The following MAPKAP1 variants were observed in gnomAD, a reference collection of about 807,000 sequenced individuals.
MAPKAP1 encodes target of rapamycin complex 2 subunit MAPKAP1.
In MAPKAP1, 20 loss-of-function variants were observed where a neutral mutation model predicts 65.7. The observed-to-expected ratio is 0.30, with a 90% CI of 0.21 to 0.44. MAPKAP1 has a LOEUF of 0.44. Ranked by LOEUF, MAPKAP1 falls within the 20% of genes least tolerant of loss-of-function variation. The pLI is 1.00. For synonymous variants in MAPKAP1, 222 were observed against 244.3 expected (o/e 0.91, Z 0.85); for missense variants, 423 against 648.0 (o/e 0.65, Z 3.77).
At chr9:125,577,591 C>T (rs1476405653) in intron 5 of MAPKAP1, among the ~76,000 whole-genome samples, 2 of 120,658 alleles carry the variant, frequency 1.7e-5, no homozygotes, top group South Asian at 3.0e-4. Flanking sequence ...CCCTGCCAGC[C>T]GCCCCGTCCG....
At chr9:125,646,930 A>T (rs1833742386) in intron 4 of MAPKAP1, among the ~76,000 whole-genome samples, 1 of 152,204 alleles carries the variant, frequency 6.6e-6, no homozygotes, top group African/African-American at 2.4e-5. Context: ...GCTGCACCAC[A>T]ATTTGATTAC....
At chr9:125,605,649 C>T (rs1402710294) in intron 4 of MAPKAP1, among the ~76,000 whole-genome samples, 1 of 152,156 alleles carries the variant, frequency 6.6e-6, no homozygotes. Context: ...GGCATCCCAC[C>T]CTGCCACCCA....
intron 1 of MAPKAP1, among the ~76,000 whole-genome samples, chr9:125,693,498 CAT>C (rs1835240229): frequency 6.8e-6 from 1 of 147,002 alleles, no homozygotes; most frequent in South Asian, 2.1e-4. Context: ...TATATACACA[CAT>C]ATATACACAT....
intron 8 of MAPKAP1, among the ~76,000 whole-genome samples, chr9:125,505,563 CA>C (rs1322633953): frequency 1.3e-5 from 2 of 152,208 alleles, no homozygotes; most frequent in Non-Finnish European, 2.9e-5. Flanking sequence ...ACGAGGGACT[CA>C]AACGAGAGGT....
chr9:125,619,065 C>G (rs1442611506), intron 4 of MAPKAP1, among the ~76,000 whole-genome samples: 2 of 152,086 alleles, frequency 1.3e-5, no homozygotes, highest in African/African-American at 4.8e-5. Flanking sequence ...CCCAGAAGGT[C>G]AAGGCTATAG....
rs559953996 is a variant in MAPKAP1 at position 125,447,573 on chromosome 9, G to A, written c.1346-2975C>T. On this transcript the variant is annotated intron_variant, in intron 10 of 11. Transcript: ENST00000265960. This position sits in a 1 kb window ranked among gnomAD's most constrained non-coding sequence, Gnocchi z 4.5. ...CTCACTCCGCGGGCGTTTCTGCCCC[G>A]AGTTCCCCTCGCTAGCAGCCCTGTT... 5 of 440,234 alleles carry A rather than the reference G, an allele frequency of 1.1e-5. No individual in the cohort carries two copies. Among genetic ancestry groups the A allele is most frequent in the Admixed American group, 2.4e-5 (1 of 41,684 alleles). The allele number at this position is 440,234 out of a possible 1,614,324, so 27.3% of individuals were successfully genotyped here. A position where few individuals can be genotyped will look rare whatever the true frequency, so the allele number is the denominator to read the frequency against.
chr9:125,493,400 T>G (rs1283571451), intron 8 of MAPKAP1, among the ~76,000 whole-genome samples: 1 of 152,232 alleles, frequency 6.6e-6, no homozygotes, highest in Admixed American at 6.5e-5. Context: ...TTGAAGGTTC[T>G]TCTGGTAAGT....
intron 9 of MAPKAP1, among the ~76,000 whole-genome samples, chr9:125,472,136 C>T (rs912863644): frequency 6.6e-6 from 1 of 152,160 alleles, no homozygotes; most frequent in African/African-American, 2.4e-5. Flanking sequence ...CAGAATGTGT[C>T]CCCTCAGCCA....
intron 10 of MAPKAP1, among the ~76,000 whole-genome samples, chr9:125,460,092 AG>A (rs1853428138): frequency 6.6e-6 from 1 of 152,198 alleles, no homozygotes; most frequent in Non-Finnish European, 1.5e-5. Context: ...AGTAGGGAAC[AG>A]CCCCTGCCCT....
intron 7 of MAPKAP1, among the ~76,000 whole-genome samples, chr9:125,513,713 A>C (rs1424108689): frequency 2.0e-5 from 3 of 152,194 alleles, no homozygotes; most frequent in Non-Finnish European, 4.4e-5. Context: ...AACCACTGCA[A>C]TAAGGTTTAG....
At chr9:125,527,473 T>C (rs559872715) in intron 7 of MAPKAP1, among the ~76,000 whole-genome samples, 1 of 152,304 alleles carries the variant, frequency 6.6e-6, no homozygotes, top group Admixed American at 6.5e-5. Context: ...TTTGTTTAAG[T>C]TTTTTTGTGT....
intron 9 of MAPKAP1, among the ~76,000 whole-genome samples, chr9:125,473,093 T>TTTTTTG (rs1853979294): frequency 6.6e-6 from 1 of 152,022 alleles, no homozygotes; most frequent in Non-Finnish European, 1.5e-5. Flanking sequence ...TTTTTTTTTT[T>TTTTTTG]TTTAGCAGAA....
At chr9:125,484,933 A>T (rs1854447236) in intron 8 of MAPKAP1, among the ~76,000 whole-genome samples, 3 of 152,022 alleles carry the variant, frequency 2.0e-5, no homozygotes, top group Non-Finnish European at 4.4e-5. Context: ...TTTTTTTCTA[A>T]ATGTGATTTT....
chr9:125,534,636 C>T (rs984659503), intron 7 of MAPKAP1, among the ~76,000 whole-genome samples: 23 of 152,342 alleles, frequency 1.5e-4, no homozygotes, highest in African/African-American at 5.3e-4. Context: ...TTGTACAATG[C>T]AGATGAGTGT....
intron 5 of MAPKAP1, among the ~76,000 whole-genome samples, chr9:125,584,187 G>C (rs536560763): frequency 6.6e-6 from 1 of 152,288 alleles, no homozygotes; most frequent in African/African-American, 2.4e-5. Context: ...CACCCTTGAG[G>C]TGTGCCGCTG....
chr9:125,603,058 CT>C (rs1832346682), intron 4 of MAPKAP1, among the ~76,000 whole-genome samples: 1 of 14,130 alleles, frequency 7.1e-5, no homozygotes, highest in African/African-American at 8.0e-5. Flanking sequence ...ACACTTGCGT[CT>C]TTCTTTCTTT....
At chr9:125,702,101 A>G (rs1044489299) in intron 1 of MAPKAP1, among the ~76,000 whole-genome samples, 3 of 152,198 alleles carry the variant, frequency 2.0e-5, no homozygotes, top group Admixed American at 6.5e-5. Flanking sequence ...TTTTAAACTA[A>G]ATACATTAAA....
chr9:125,581,682 T>A (rs550481150), intron 5 of MAPKAP1, among the ~76,000 whole-genome samples: 11 of 152,346 alleles, frequency 7.2e-5, no homozygotes, highest in African/African-American at 2.4e-4. Flanking sequence ...TATTTTTAAT[T>A]TTAATGAAGT....
Position 125,652,274 on chromosome 9 carries a change from A to T in MAPKAP1, c.498+5377T>A, listed in dbSNP as rs546134277. 6.6e-6 allele frequency: 8 copies of T among 1,220,150 alleles called. No individual in the cohort carries two copies. The East Asian group carries it at 4.0e-4, about 61-fold the overall frequency. 75.6% of individuals were successfully genotyped at this position (1,220,150 alleles called of 1,614,324 possible). On this transcript the variant is annotated intron_variant, in intron 4 of 11. Coordinates refer to ENST00000265960, the MANE Select transcript of MAPKAP1 (RefSeq NM_001006617.3). ...GGAACAATGCTGAAACAAGAGCAGC[A>T]TGCAAAAATGTATTTAAGGACTATC...
Sources: allele counts gnomAD v4.1 joint callset (sites outside exome capture counted in the v4.1 genomes callset), GRCh38; gene constraint gnomAD v4.1.1; non-coding constraint Gnocchi (gnomAD v3.1); transcripts MANE v1.5; gene names NCBI Gene and HGNC (gene_info 2026-07-23, HGNC 2026-07-21).